The following USP6NL variants were observed in gnomAD, a reference collection of about 807,000 sequenced individuals.
The protein encoded by USP6NL is USP6 N-terminal-like protein.
Under a neutral mutation model 61.9 loss-of-function variants are expected in USP6NL, and 26 were observed. The observed-to-expected ratio is 0.42, with a 90% CI of 0.31 to 0.58. The LOEUF is 0.58. Among genes scored for constraint, USP6NL ranks in the 20% least tolerant of loss-of-function variants. The pLI is 0.16. For synonymous variants in USP6NL, 432 were observed against 390.1 expected, an observed-to-expected ratio of 1.11 and a Z score of -1.27; for missense variants, 1,114 against 1,034.3, an observed-to-expected ratio of 1.08 and a Z score of -1.06.
Position 11,602,098 on chromosome 10 carries a change from G to A in USP6NL, c.-83-4381C>T, listed in dbSNP as rs534403779. Among the ~76,000 whole-genome samples the A allele has an allele frequency of 6.6e-6, 1 of 152,084 alleles. No individual in the cohort carries two copies. The highest frequency in any genetic ancestry group is 1.5e-5 in the Non-Finnish European group (1 of 67,982). The stretch of plus-strand genomic sequence containing the variant: ...ACACACACACACGTCCAAATAACAA[G>A]GGATTGACTACATTGTTAATTCACA... On this transcript the variant is annotated intron_variant, in intron 1 of 14. Coordinates refer to ENST00000609104, the MANE Select transcript of USP6NL (RefSeq NM_014688.5). This position sits in a 1 kb window ranked among gnomAD's most constrained non-coding sequence, Gnocchi z 4.8.
intron 2 of USP6NL, among the ~76,000 whole-genome samples, chr10:11,577,639 T>C (rs1307397707): frequency 6.6e-6 from 1 of 151,854 alleles, no homozygotes; most frequent in Non-Finnish European, 1.5e-5. Flanking sequence ...TAGCTGGGAT[T>C]ACAGGTGCCT....
chr10:11,533,794 C>G (rs1434150097), intron 2 of USP6NL, among the ~76,000 whole-genome samples: 3 of 152,150 alleles, frequency 2.0e-5, no homozygotes, highest in African/African-American at 7.2e-5. Context: ...AGCATGAAAA[C>G]ACAGGATTCA....
intron 13 of USP6NL, among the ~76,000 whole-genome samples, chr10:11,484,600 T>C (rs1833380380): frequency 6.6e-6 from 1 of 152,184 alleles, no homozygotes; most frequent in African/African-American, 2.4e-5. Context: ...CCTGGTTTCT[T>C]TGGTCTTCCT....
Position 11,463,667 on chromosome 10 carries a change from T to C in USP6NL, c.1261A>G (p.Arg421Gly), listed in dbSNP as rs957873409. 5.0e-6 allele frequency: 8 copies of C among 1,613,970 alleles called. No homozygotes were observed. The highest frequency in any genetic ancestry group is 2.2e-5 in the East Asian group (1 of 44,870). ...RHEHSPHPQS[R>G]TGTPERAQPP... The stretch of plus-strand genomic sequence containing the variant: ...TGTGCTCTCTCGGGCGTCCCGGTCC[T>C]GCTCTGGGGGTGCGGGGAGTGCTCG... The change falls in exon 15 of 15, where the codon AGG becomes GGG. Residue 421 changes from arginine (R) to glycine (G), a missense_variant. Physicochemically the swap from Arg to Gly is moderately radical, Grantham distance 125. Coordinates refer to ENST00000609104, the MANE Select transcript of USP6NL (RefSeq NM_014688.5). The surrounding 1 kb of genome is among the most constrained non-coding windows in gnomAD (Gnocchi z 6.3).
In USP6NL at chr10:11,496,213, T is replaced by C. The variant is rs1374257379; in HGVS notation, c.385-2985A>G. ...AAATAACAAACCTCCAGTCTTGGGC[T>C]AGCACTGAGGGAGCTAAGGAGCTCT... is the stretch of plus-strand genomic sequence containing the variant. On this transcript the variant is annotated intron_variant, in intron 7 of 14. Transcript: ENST00000609104. The surrounding 1 kb of genome is among the most constrained non-coding windows in gnomAD (Gnocchi z 5.4). Among the ~76,000 whole-genome samples, 2 of 152,252 alleles carry C rather than the reference T, an allele frequency of 1.3e-5. No homozygotes were observed. The highest frequency in any genetic ancestry group is 2.9e-5 in the Non-Finnish European group (2 of 68,040).
intron 4 of USP6NL, among the ~76,000 whole-genome samples, chr10:11,522,307 G>A (rs1835242689): frequency 6.6e-6 from 1 of 152,172 alleles, no homozygotes; most frequent in African/African-American, 2.4e-5. Flanking sequence ...CAATTTCATT[G>A]CAGAATGAAT....
chr10:11,567,046 C>A (rs1165407115), intron 2 of USP6NL, among the ~76,000 whole-genome samples: 2 of 152,206 alleles, frequency 1.3e-5, no homozygotes, highest in Non-Finnish European at 2.9e-5. Flanking sequence ...CCGAGGAGTT[C>A]AAGGCTGCAG....
chr10:11,587,454 C>A lies in USP6NL; in HGVS notation c.4+10177G>T, dbSNP rs548609381. Among the ~76,000 whole-genome samples, 17 of 152,192 alleles carry A rather than the reference C, an allele frequency of 1.1e-4. No individual in the cohort carries two copies. The South Asian group carries it at 1.4e-3, about 13-fold the overall frequency. The stretch of plus-strand genomic sequence containing the variant: ...AGTCATACTATAAGATGATAAGTAT[C>A]CTGACATTTCATATTAAAATCTAAT... On this transcript the variant is annotated intron_variant, in intron 2 of 14. Transcript: ENST00000609104. The surrounding 1 kb of genome is among the most constrained non-coding windows in gnomAD (Gnocchi z 4.5).
At chr10:11,551,477 C>G (rs1164728373) in intron 2 of USP6NL, among the ~76,000 whole-genome samples, 4 of 152,156 alleles carry the variant, frequency 2.6e-5, no homozygotes, top group Non-Finnish European at 4.4e-5. Context: ...GGACAGTGCC[C>G]GACATCTAAT....
chr10:11,551,946 T>C (rs1836504711), intron 2 of USP6NL, among the ~76,000 whole-genome samples: 1 of 152,212 alleles, frequency 6.6e-6, no homozygotes, highest in Non-Finnish European at 1.5e-5. Context: ...TTGGTTAGGT[T>C]ACAACTAAAT....
At position 11,575,905 on chromosome 10, in the gene USP6NL, T is replaced by C. The variant is rs1837526934; in HGVS notation, c.4+21726A>G. ...AGATTAGATAGTAGGCCAAAAAGGG[T>C]GAGGGGAAATACGGGACATTTTGGG... On this transcript the variant is annotated intron_variant, in intron 2 of 14. Transcript: ENST00000609104. This position sits in a 1 kb window ranked among gnomAD's most constrained non-coding sequence, Gnocchi z 4.2. 6.6e-6 allele frequency among the ~76,000 whole-genome samples: 1 copy of C among 151,492 alleles called. No homozygotes were observed. The highest frequency in any genetic ancestry group is 1.5e-5 in the Non-Finnish European group (1 of 67,882).
At chr10:11,467,323 G>A (rs1832513981) in intron 14 of USP6NL, among the ~76,000 whole-genome samples, 1 of 152,178 alleles carries the variant, frequency 6.6e-6, no homozygotes, top group South Asian at 2.1e-4. Context: ...TCAGAAAAAT[G>A]CAAATTAAAA....
Position 11,597,209 on chromosome 10 carries a change from T to C in USP6NL, c.4+422A>G, listed in dbSNP as rs776566130. ...TTGGTTCTTTGTTCTATCAGAGACA[T>C]TGATAGATTGTTAGGGGTTTTTTTT... On this transcript the variant is annotated intron_variant, in intron 2 of 14. Transcript: ENST00000609104. This position sits in a 1 kb window ranked among gnomAD's most constrained non-coding sequence, Gnocchi z 4.6. Among the ~76,000 whole-genome samples the C allele has an allele frequency of 6.6e-6, 1 of 152,216 alleles. No homozygotes were observed. The highest frequency in any genetic ancestry group is 1.5e-5 in the Non-Finnish European group (1 of 68,032).
intron 2 of USP6NL, among the ~76,000 whole-genome samples, chr10:11,543,803 G>GGTTTTTTTTTTTTTTTTTTTTTT (rs1836161546): frequency 1.3e-5 from 1 of 76,362 alleles, no homozygotes; most frequent in African/African-American, 4.5e-5. Context: ...AAATATTTAG[G>GGTTTTTTTTTTTTTTTTTTTTTT]TTTTTTTTTT....
intron 4 of USP6NL, among the ~76,000 whole-genome samples, chr10:11,519,120 A>T (rs1835095320): frequency 6.6e-6 from 1 of 151,208 alleles, no homozygotes; most frequent in African/African-American, 2.5e-5. Flanking sequence ...TACGTAAATC[A>T]AGTGTGGCTC....
Position 11,476,538 on chromosome 10 carries a change from T to C in USP6NL, c.1078+5232A>G, listed in dbSNP as rs61844559. Among the ~76,000 whole-genome samples the C allele has an allele frequency of 0.11, 16,225 of 152,180 alleles. 1,154 individuals are homozygous for C. Among genetic ancestry groups the C allele is most frequent in the East Asian group, 0.16 (845 of 5,184 alleles). ...CAGAAATAAAATAAAGGTACAAAAA[T>C]GCTAACAATAGTTAAATCTATGAGG... is the stretch of plus-strand genomic sequence containing the variant. On this transcript the variant is annotated intron_variant, in intron 14 of 14. Transcript: ENST00000609104. The surrounding 1 kb of genome is among the most constrained non-coding windows in gnomAD (Gnocchi z 4.3).
rs568389319 is a variant in USP6NL, at chr10:11,463,387, G to A, written c.1541C>T (p.Ala514Val). The change falls in exon 15 of 15, where the codon GCG becomes GTG. Residue 514 changes from alanine to valine, a missense_variant. By Grantham distance (64) the Ala-to-Val change is moderately conservative (BLOSUM62 0). Transcript: ENST00000609104. This position sits in a 1 kb window ranked among gnomAD's most constrained non-coding sequence, Gnocchi z 6.3. ...AGGACCTGGGACGGTAACTGCGAGC[G>A]CGGGGTGCGCTGCTCGACCTTTGCC... Reference protein sequence around the residue: ...MEGKGRAAHPALAVTVPGPAE... With the variant: ...MEGKGRAAHPVLAVTVPGPAE... The A allele has an allele frequency of 4.3e-6, 7 of 1,613,900 alleles. No individual in the cohort carries two copies. The highest frequency in any genetic ancestry group is 2.2e-5 in the South Asian group (2 of 91,090).
chr10:11,499,934 C>G lies in USP6NL; in HGVS notation c.384+1167G>C, dbSNP rs926037433. On this transcript the variant is annotated intron_variant, in intron 7 of 14. Coordinates refer to ENST00000609104, the MANE Select transcript of USP6NL (RefSeq NM_014688.5). This position sits in a 1 kb window ranked among gnomAD's most constrained non-coding sequence, Gnocchi z 4.5. ...ATTATTTAAACAAATACTAACAGAG[C>G]ACCTACCATATGCTAGGCACACTGT... 3.9e-5 allele frequency among the ~76,000 whole-genome samples: 6 copies of G among 152,102 alleles called. No homozygotes were observed. The highest frequency in any genetic ancestry group is 9.7e-5 in the African/African-American group (4 of 41,410).
At chr10:11,539,064 G>A (rs539023235) in intron 2 of USP6NL, among the ~76,000 whole-genome samples, 2 of 152,312 alleles carry the variant, frequency 1.3e-5, no homozygotes, top group East Asian at 3.9e-4. Context: ...CCTCTCCAAG[G>A]GGCAGAAGGA....
Sources: gnomAD v4.1 joint callset for allele counts (sites outside exome capture counted in the v4.1 genomes callset) on GRCh38, gnomAD v4.1.1 for gene constraint, Gnocchi (gnomAD v3.1) non-coding constraint, MANE v1.5 for transcripts, NCBI Gene and HGNC (gene_info 2026-07-23, HGNC 2026-07-21) for gene names.